DSCAM: variants seen among roughly 807,000 people sequenced by gnomAD.
DSCAM encodes cell adhesion molecule DSCAM.
Under a neutral mutation model 217.7 loss-of-function variants are expected in DSCAM, and 47 were observed. The ratio of observed to expected loss-of-function variants is 0.22; its 90% CI spans 0.17 to 0.28. DSCAM has a LOEUF of 0.28. Ranked by LOEUF, DSCAM falls within the 10% of genes least tolerant of loss-of-function variation. The pLI is 1.00. For synonymous variants in DSCAM, 1,056 were observed against 1,015.3 expected, an observed-to-expected ratio of 1.04 and a Z score of -0.76; for missense variants, 2,080 against 2,618.3, an observed-to-expected ratio of 0.79 and a Z score of 4.49.
At chr21:40,527,842 C>G (rs2076411911) in intron 3 of DSCAM, among the ~76,000 whole-genome samples, 1 of 152,144 alleles carries the variant, frequency 6.6e-6, no homozygotes, top group East Asian at 1.9e-4. Context: ...TGGGTGAAAT[C>G]CTGAGACAGA....
intron 3 of DSCAM, among the ~76,000 whole-genome samples, chr21:40,653,966 G>T (rs764077020): frequency 2.0e-5 from 3 of 151,882 alleles, no homozygotes; most frequent in Non-Finnish European, 4.4e-5. Context: ...ATTGTGGCGG[G>T]CACCTGTAAT....
intron 28 of DSCAM, among the ~76,000 whole-genome samples, chr21:40,056,094 T>C (rs1377254152): frequency 6.6e-6 from 1 of 152,216 alleles, no homozygotes; most frequent in Non-Finnish European, 1.5e-5. Flanking sequence ...TATCTACCAA[T>C]AGAATCTTTA....
chr21:40,266,137 C>G (rs551192746), intron 11 of DSCAM, among the ~76,000 whole-genome samples: 2 of 152,068 alleles, frequency 1.3e-5, no homozygotes, highest in African/African-American at 4.8e-5. Context: ...AATCTACAAA[C>G]TCAAAGAAAT....
intron 11 of DSCAM, among the ~76,000 whole-genome samples, chr21:40,267,117 C>G (rs2073548600): frequency 6.6e-6 from 1 of 151,822 alleles, no homozygotes; most frequent in African/African-American, 2.4e-5. Context: ...AAATCCTAGA[C>G]TTTATCACTA....
intron 3 of DSCAM, among the ~76,000 whole-genome samples, chr21:40,577,285 C>A (rs565733256): frequency 6.7e-6 from 1 of 148,736 alleles, no homozygotes; most frequent in Admixed American, 6.7e-5. Context: ...GCGACCAGGC[C>A]GCTTCCCTCT....
At chr21:40,320,275 GTAATTT>G (rs1041617515) in intron 8 of DSCAM, among the ~76,000 whole-genome samples, 2 of 152,058 alleles carry the variant, frequency 1.3e-5, no homozygotes, top group African/African-American at 4.8e-5. Flanking sequence ...ATATTATATT[GTAATTT>G]TAAACAGTGG....
intron 3 of DSCAM, among the ~76,000 whole-genome samples, chr21:40,371,144 A>G (rs988309913): frequency 2.0e-5 from 3 of 152,176 alleles, no homozygotes; most frequent in African/African-American, 7.2e-5. Context: ...TTAGACATTT[A>G]GTTTAAAATA....
At chr21:40,432,936 CGTTT>C (rs1569120899) in intron 3 of DSCAM, among the ~76,000 whole-genome samples, 1 of 152,076 alleles carries the variant, frequency 6.6e-6, no homozygotes, top group East Asian at 1.9e-4. Flanking sequence ...CATCGCTTCT[CGTTT>C]GTTCTTCTTT....
rs1243370899 is a variant in DSCAM at position 40,498,721 on chromosome 21, ATATATGGGTGTGTG to A, written c.509-129490_509-129477del. Among the ~76,000 whole-genome samples the A allele has an allele frequency of 1.8e-4, 4 of 22,666 alleles. 1 individual carries two copies. The highest frequency in any genetic ancestry group is 3.0e-4 in the Non-Finnish European group (4 of 13,348). The allele number at this position is 22,666 out of a possible 152,430, so 14.9% of individuals were successfully genotyped here. A position where few individuals can be genotyped will look rare whatever the true frequency, so the allele number is the denominator to read the frequency against. ...TAGATATATATATATGGGTGTATAT[ATATATGGGTGTGTG>A]TATATATATATATATATATATGGGT... On this transcript the variant is annotated intron_variant, in intron 3 of 32. Coordinates refer to ENST00000400454, the MANE Select transcript of DSCAM (RefSeq NM_001389.5).
intron 8 of DSCAM, among the ~76,000 whole-genome samples, chr21:40,334,525 C>A (rs1411774793): frequency 6.6e-6 from 1 of 152,156 alleles, no homozygotes; most frequent in Non-Finnish European, 1.5e-5. Context: ...CTCTGCTCTC[C>A]CCCTGGTCCA....
chr21:40,146,247 C>A (rs1293342425), intron 16 of DSCAM, among the ~76,000 whole-genome samples: 1 of 149,978 alleles, frequency 6.7e-6, no homozygotes, highest in Non-Finnish European at 1.5e-5. Context: ...GACTCAGAGC[C>A]CAGGTGGGCT....
chr21:40,215,575 C>A (rs1213345056), intron 11 of DSCAM, among the ~76,000 whole-genome samples: 1 of 152,058 alleles, frequency 6.6e-6, no homozygotes, highest in Non-Finnish European at 1.5e-5. Flanking sequence ...GGTACTCATG[C>A]TCTCACTTAT....
At chr21:40,238,719 C>T (rs566623757) in intron 11 of DSCAM, among the ~76,000 whole-genome samples, 41 of 152,286 alleles carry the variant, frequency 2.7e-4, no homozygotes, top group African/African-American at 8.4e-4. Context: ...GTCTAAGTAC[C>T]GGCTTGACAT....
At chr21:40,068,254 G>A (rs1307538019) in intron 27 of DSCAM, among the ~76,000 whole-genome samples, 1 of 152,150 alleles carries the variant, frequency 6.6e-6, no homozygotes, top group African/African-American at 2.4e-5. Context: ...CTGGTCATCT[G>A]TCTTCAGGAG....
intron 27 of DSCAM, among the ~76,000 whole-genome samples, chr21:40,063,801 C>T (rs541562862): frequency 3.3e-5 from 5 of 152,174 alleles, no homozygotes; most frequent in African/African-American, 4.8e-5. Context: ...TCAGTTTCTG[C>T]ACAGTGGGCA....
At chr21:40,631,445 T>C (rs2089690263) in intron 3 of DSCAM, among the ~76,000 whole-genome samples, 2 of 152,234 alleles carry the variant, frequency 1.3e-5, no homozygotes, top group East Asian at 1.9e-4. Flanking sequence ...GTCTGAATTC[T>C]GGGCATGGTT....
At chr21:40,455,628 G>T (rs991719474) in intron 3 of DSCAM, among the ~76,000 whole-genome samples, 1 of 152,088 alleles carries the variant, frequency 6.6e-6, no homozygotes, top group East Asian at 1.9e-4. Flanking sequence ...CATTAGCTGG[G>T]CATGGTGGCA....
intron 3 of DSCAM, among the ~76,000 whole-genome samples, chr21:40,403,150 G>T (rs1173843930): frequency 1.3e-5 from 2 of 152,180 alleles, no homozygotes; most frequent in African/African-American, 2.4e-5. Context: ...GGAATGATTA[G>T]AAAGGACATA....
intron 10 of DSCAM, among the ~76,000 whole-genome samples, chr21:40,294,747 A>T (rs1042928370): frequency 6.6e-6 from 1 of 152,202 alleles, no homozygotes; most frequent in Admixed American, 6.5e-5. Context: ...TAAATTTATG[A>T]TGTTTATCTG....
Sources: allele counts gnomAD v4.1 joint callset (sites outside exome capture counted in the v4.1 genomes callset), GRCh38; gene constraint gnomAD v4.1.1; transcripts MANE v1.5; gene names NCBI Gene and HGNC (gene_info 2026-07-23, HGNC 2026-07-21).